The following CSMD1 variants were observed in gnomAD, a reference collection of about 807,000 sequenced individuals.
CSMD1 encodes the protein CUB and Sushi multiple domains 1.
CSMD1 carries 213 observed loss-of-function variants against 417.5 expected under a neutral mutation model. The ratio of observed to expected loss-of-function variants is 0.51; its 90% CI spans 0.46 to 0.57. The LOEUF is 0.57. Ranked by LOEUF, CSMD1 falls within the 20% of genes least tolerant of loss-of-function variation. The pLI is 0.00. For missense variants in CSMD1, 6,923 were observed against 4,529.7 expected (o/e 1.53, Z -15.17); for synonymous variants, 2,862 against 1,736.8 (o/e 1.65, Z -16.11).
At chr8:4,462,101 C>T (rs1248313836) in intron 2 of CSMD1, among the ~76,000 whole-genome samples, 1 of 151,940 alleles carries the variant, frequency 6.6e-6, no homozygotes, top group East Asian at 1.9e-4. Flanking sequence ...TCTCAAACTC[C>T]TGGGCTCAAG....
chr8:3,958,308 T>C (rs1474150323), intron 5 of CSMD1, among the ~76,000 whole-genome samples: 1 of 106,200 alleles, frequency 9.4e-6, no homozygotes, highest in East Asian at 3.8e-4. Context: ...GTTTCATTTT[T>C]TTAAACTCTC....
intron 17 of CSMD1, among the ~76,000 whole-genome samples, chr8:3,394,475 G>C (rs1811564143): frequency 1.3e-5 from 2 of 151,952 alleles, no homozygotes; most frequent in Admixed American, 1.3e-4. Flanking sequence ...TCCCTCAAAT[G>C]GAAGTAGAAA....
chr8:3,281,928 G>A (rs987452872), intron 26 of CSMD1, among the ~76,000 whole-genome samples: 1 of 152,070 alleles, frequency 6.6e-6, no homozygotes, highest in Non-Finnish European at 1.5e-5. Flanking sequence ...CAGGAGATCT[G>A]ATTGTTTAAA....
chr8:4,091,980 T>C (rs143790866), intron 3 of CSMD1, among the ~76,000 whole-genome samples: 30 of 152,306 alleles, frequency 2.0e-4, no homozygotes, highest in African/African-American at 7.0e-4. Flanking sequence ...CTAAGACATT[T>C]TATGCGCCTA....
At chr8:4,778,638 C>G (rs1169026977) in intron 1 of CSMD1, among the ~76,000 whole-genome samples, 1 of 152,156 alleles carries the variant, frequency 6.6e-6, no homozygotes, top group African/African-American at 2.4e-5. Context: ...ACCCTCTGAC[C>G]TTCATGGGAG....
intron 6 of CSMD1, among the ~76,000 whole-genome samples, chr8:3,735,750 G>C (rs1796494826): frequency 6.6e-6 from 1 of 152,148 alleles, no homozygotes; most frequent in South Asian, 2.1e-4. Flanking sequence ...CACACCTCTA[G>C]CCTTTACAAT....
chr8:3,436,629 T>A (rs567761123), intron 12 of CSMD1, among the ~76,000 whole-genome samples: 1 of 152,184 alleles, frequency 6.6e-6, no homozygotes, highest in Admixed American at 6.5e-5. Context: ...CACACCAACA[T>A]AGTGATTACA....
chr8:3,713,903 A>G (rs1373310279), intron 6 of CSMD1, among the ~76,000 whole-genome samples: 1 of 152,104 alleles, frequency 6.6e-6, no homozygotes, highest in East Asian at 1.9e-4. Flanking sequence ...CTGTAATTTT[A>G]TCAATGCCTC....
At chr8:3,271,107 T>A (rs1458700586) in intron 26 of CSMD1, among the ~76,000 whole-genome samples, 1 of 113,058 alleles carries the variant, frequency 8.8e-6, no homozygotes, top group East Asian at 3.1e-4. Context: ...GTCCCCAGAG[T>A]GTGATGTTCC....
At chr8:4,934,250 A>T (rs1396257951) in intron 1 of CSMD1, among the ~76,000 whole-genome samples, 1 of 152,202 alleles carries the variant, frequency 6.6e-6, no homozygotes, top group African/African-American at 2.4e-5. Context: ...AGGCAGAAAA[A>T]AATAAATATT....
At chr8:4,070,385 T>A (rs1442990201) in intron 3 of CSMD1, among the ~76,000 whole-genome samples, 1 of 152,156 alleles carries the variant, frequency 6.6e-6, no homozygotes, top group African/African-American at 2.4e-5. Context: ...TGAGACAGAG[T>A]CTCGCTGTGT....
intron 1 of CSMD1, among the ~76,000 whole-genome samples, chr8:4,816,048 A>C (rs1347156677): frequency 1.3e-5 from 2 of 152,224 alleles, no homozygotes; most frequent in Non-Finnish European, 2.9e-5. Context: ...TACCAGGTGC[A>C]CAGATAAACA....
intron 3 of CSMD1, among the ~76,000 whole-genome samples, chr8:4,268,762 C>A (rs1804383385): frequency 6.7e-6 from 1 of 149,736 alleles, no homozygotes; most frequent in Admixed American, 6.7e-5. Context: ...AAAAAAAAAA[C>A]CCACAAATAT....
rs538792445 is a variant in CSMD1, at chr8:3,577,782, T to A, written c.1223-2716A>T. Among the ~76,000 whole-genome samples the A allele has an allele frequency of 2.6e-5, 4 of 152,348 alleles. No individual in the cohort carries two copies. In the East Asian group the frequency reaches 7.7e-4, roughly 29 times the overall value. ...AACCTAATCATCTGCTTCTTTACCATCTGATGATGCGCCCCCTATTTGGCT... is the reference window on the plus strand; with the variant it reads ...AACCTAATCATCTGCTTCTTTACCAACTGATGATGCGCCCCCTATTTGGCT... On this transcript the variant is annotated intron_variant, in intron 9 of 69. Transcript: ENST00000635120.
intron 3 of CSMD1, among the ~76,000 whole-genome samples, chr8:4,355,905 G>T (rs946618969): frequency 1.4e-4 from 20 of 145,652 alleles, no homozygotes; most frequent in African/African-American, 4.6e-4. Context: ...TGAGTCTCAT[G>T]ATTTGAATCA....
chr8:4,226,789 T>G (rs926476852), intron 3 of CSMD1, among the ~76,000 whole-genome samples: 1 of 152,210 alleles, frequency 6.6e-6, no homozygotes. Flanking sequence ...ACAAAAACTC[T>G]GCCCCATTAG....
chr8:4,811,766 C>A (rs1006275126), intron 1 of CSMD1, among the ~76,000 whole-genome samples: 2 of 151,852 alleles, frequency 1.3e-5, no homozygotes, highest in African/African-American at 2.4e-5. Context: ...TTCAAACATT[C>A]AGTTTATTTT....
At chr8:3,462,354 C>A (rs1816558454) in intron 12 of CSMD1, among the ~76,000 whole-genome samples, 1 of 152,172 alleles carries the variant, frequency 6.6e-6, no homozygotes, top group African/African-American at 2.4e-5. Context: ...GGGACCAGTA[C>A]TCGTCCATGG....
At chr8:3,370,611 G>C (rs551417490) in intron 18 of CSMD1, among the ~76,000 whole-genome samples, 1 of 152,230 alleles carries the variant, frequency 6.6e-6, no homozygotes, top group African/African-American at 2.4e-5. Context: ...TCAGTGGACT[G>C]AGTGAAGATT....
Sources: gnomAD v4.1 joint callset for allele counts (sites outside exome capture counted in the v4.1 genomes callset) on GRCh38, gnomAD v4.1.1 for gene constraint, MANE v1.5 for transcripts, NCBI Gene and HGNC (gene_info 2026-07-23, HGNC 2026-07-21) for gene names.